The following PTH2R variants were observed in gnomAD, a reference collection of about 807,000 sequenced individuals.
PTH2R encodes parathyroid hormone 2 receptor, also known as PTH2 receptor.
A neutral mutation model predicts 60.3 loss-of-function variants in PTH2R; 59 were observed. The observed-to-expected ratio is 0.98, with a 90% CI of 0.79 to 1.22. PTH2R has a LOEUF of 1.22. Among genes scored for constraint, PTH2R ranks in the 50% most tolerant of loss-of-function variants. The probability of loss-of-function intolerance (pLI) is 0.00; values close to 1 mark genes in which losing one functional copy is unlikely to be tolerated. For missense variants in PTH2R, 749 were observed against 682.6 expected, an observed-to-expected ratio of 1.10 and a Z score of -1.08; for synonymous variants, 256 against 243.8, an observed-to-expected ratio of 1.05 and a Z score of -0.47.
intron 7 of PTH2R, among the ~76,000 whole-genome samples, chr2:208,450,023 G>T (rs1026642851): frequency 1.3e-5 from 2 of 152,042 alleles, no homozygotes; most frequent in South Asian, 2.1e-4. Flanking sequence ...TGATTTTTTT[G>T]TGTGTGATGT....
intron 9 of PTH2R, among the ~76,000 whole-genome samples, chr2:208,475,674 C>T (rs1441332591): frequency 6.6e-6 from 1 of 152,110 alleles, no homozygotes; most frequent in Non-Finnish European, 1.5e-5. Flanking sequence ...GTAACTGACA[C>T]CTTGTGGTTT....
intron 12 of PTH2R, among the ~76,000 whole-genome samples, chr2:208,492,800 T>C (rs569380558): frequency 5.0e-4 from 76 of 152,274 alleles, no homozygotes; most frequent in Non-Finnish European, 8.7e-4. Flanking sequence ...TATCAATGGC[T>C]GAGATCATCC....
chr2:208,468,878 C>T (rs929127697), intron 9 of PTH2R, among the ~76,000 whole-genome samples: 1 of 152,042 alleles, frequency 6.6e-6, no homozygotes, highest in Non-Finnish European at 1.5e-5. Flanking sequence ...AGTTTCCTGG[C>T]ACAGAATGAC....
intron 9 of PTH2R, among the ~76,000 whole-genome samples, chr2:208,464,759 A>G (rs1702707856): frequency 6.6e-6 from 1 of 152,142 alleles, no homozygotes; most frequent in Admixed American, 6.5e-5. Context: ...CATGCCTGTA[A>G]TCCCAGTGCT....
intron 1 of PTH2R, among the ~76,000 whole-genome samples, chr2:208,425,270 G>T (rs1701834633): frequency 6.6e-6 from 1 of 152,050 alleles, no homozygotes; most frequent in Admixed American, 6.5e-5. Context: ...AGATATTGAG[G>T]TAGGAGGTGG....
intron 1 of PTH2R, among the ~76,000 whole-genome samples, chr2:208,413,146 C>CACACAA: frequency 1.1e-4 from 2 of 18,560 alleles, no homozygotes; most frequent in African/African-American, 1.3e-4. Context: ...AGTGACCACA[C>CACACAA]ACACACACAC....
In PTH2R at chr2:208,459,782, GT is replaced by G. The variant is rs200900497; in HGVS notation, c.915-110del. 2.0e-3 allele frequency: 1,668 copies of G among 825,606 alleles called. 22 individuals are homozygous for G. The African/African-American group carries it at 0.023, about 12-fold the overall frequency. 51.1% of individuals were successfully genotyped at this position (825,606 alleles called of 1,614,324 possible). On this transcript the variant is annotated intron_variant, in intron 8 of 12. Coordinates refer to ENST00000272847, the MANE Select transcript of PTH2R (RefSeq NM_005048.4). Reference sequence around the variant, plus strand: ...TAAGATAAGATTTCTTTGTCTATTTGTTTCTTAATTGGAAGTGTGGGGTTGG... The same window carrying G: ...TAAGATAAGATTTCTTTGTCTATTTGTTCTTAATTGGAAGTGTGGGGTTGG...
intron 1 of PTH2R, among the ~76,000 whole-genome samples, chr2:208,373,226 A>AG (rs1700735234): frequency 6.6e-6 from 1 of 152,194 alleles, no homozygotes; most frequent in African/African-American, 2.4e-5. Context: ...AAAGTGAGAT[A>AG]TATGAGTAAA....
chr2:208,400,599 G>A (rs1701290281), intron 1 of PTH2R, among the ~76,000 whole-genome samples: 1 of 152,216 alleles, frequency 6.6e-6, no homozygotes, highest in East Asian at 1.9e-4. Context: ...TAGGTTTGTG[G>A]TACTATCTAT....
intron 9 of PTH2R, among the ~76,000 whole-genome samples, chr2:208,467,693 G>A (rs1227899883): frequency 1.3e-5 from 2 of 152,154 alleles, no homozygotes; most frequent in Non-Finnish European, 2.9e-5. Flanking sequence ...CTTCAAGATA[G>A]GTGCCTACAG....
At chr2:208,401,820 C>G (rs1701315175), upstream of PTH2R, among the ~76,000 whole-genome samples, 2 of 152,158 alleles carry the variant, frequency 1.3e-5, no homozygotes, top group South Asian at 2.1e-4. Flanking sequence ...TGGGAGTGCA[C>G]TGGGAACAGG....
intron 8 of PTH2R, among the ~76,000 whole-genome samples, chr2:208,452,524 C>A (rs181636478): frequency 3.9e-5 from 6 of 152,216 alleles, no homozygotes; most frequent in Admixed American, 2.0e-4. Context: ...GTTGATGGAA[C>A]CCTGGTTCTG....
intron 1 of PTH2R, among the ~76,000 whole-genome samples, chr2:208,397,045 C>T (rs900792487): frequency 6.6e-6 from 1 of 152,090 alleles, no homozygotes; most frequent in Non-Finnish European, 1.5e-5. Flanking sequence ...TCTCAGCAGA[C>T]TGACCCAAGG....
At chr2:208,491,054 GT>G (rs893464639) in intron 12 of PTH2R, among the ~76,000 whole-genome samples, 77 of 152,262 alleles carry the variant, frequency 5.1e-4, no homozygotes, top group African/African-American at 1.7e-3. Flanking sequence ...ATATTTTGAT[GT>G]TTTTTGAACT....
At chr2:208,483,040 A>G (rs930581621) in intron 10 of PTH2R, among the ~76,000 whole-genome samples, 7 of 152,198 alleles carry the variant, frequency 4.6e-5, no homozygotes, top group African/African-American at 1.7e-4. Context: ...AATAATCAGG[A>G]GCATTTCAAC....
In PTH2R at chr2:208,489,033, G is replaced by T; in HGVS notation, c.1098G>T (p.Leu366=). ...TTAGGAAACTGGCCAAATCGACACTGGTCCTGGTCCTAGTCTTTGGAGTGC... is the reference window on the plus strand; with the variant it reads ...TTAGGAAACTGGCCAAATCGACACTTGTCCTGGTCCTAGTCTTTGGAGTGC... ...KQYRKLAKST[L]VLVLVFGVHY... Residue 366 remains leucine, a synonymous_variant, in exon 11 of 13, where the codon CTG becomes CTT. Coordinates refer to ENST00000272847, the MANE Select transcript of PTH2R (RefSeq NM_005048.4). The T allele has an allele frequency of 1.9e-6, 3 of 1,614,052 alleles. No homozygotes were observed. Among genetic ancestry groups the T allele is most frequent in the Non-Finnish European group, 2.5e-6 (3 of 1,179,998 alleles).
intron 1 of PTH2R, among the ~76,000 whole-genome samples, chr2:208,369,360 GTCTC>G (rs1207585205): frequency 7.4e-6 from 1 of 135,206 alleles, no homozygotes; most frequent in Admixed American, 7.1e-5. Flanking sequence ...AACAACACTG[GTCTC>G]TCTCTCTTTT....
In PTH2R at chr2:208,425,502, G is replaced by T. The variant is rs996042217; in HGVS notation, c.76-2699G>T. ...CTACCTCTTAATTTGCATATAAGTG[G>T]GTATAAATATGACTGCAGAACTGCC... On this transcript the variant is annotated intron_variant, in intron 1 of 12. Transcript: ENST00000272847. 3.9e-5 allele frequency among the ~76,000 whole-genome samples: 6 copies of T among 152,142 alleles called. No individual in the cohort carries two copies. The East Asian group carries it at 9.6e-4, about 24-fold the overall frequency.
At chr2:208,479,351 C>T (rs1377067916) in intron 9 of PTH2R, among the ~76,000 whole-genome samples, 6 of 152,182 alleles carry the variant, frequency 3.9e-5, no homozygotes, top group Admixed American at 1.3e-4. Context: ...CTTCCTTTTC[C>T]GGGATAAGGT....
Sources: gnomAD v4.1 joint callset for allele counts (sites outside exome capture counted in the v4.1 genomes callset) on GRCh38, gnomAD v4.1.1 for gene constraint, MANE v1.5 for transcripts, NCBI Gene and HGNC (gene_info 2026-07-23, HGNC 2026-07-21) for gene names.